Variants in P2RY8 observed in about 807,000 individuals in gnomAD.
P2RY8 encodes P2Y receptor family member 8, also known as S-geranylgeranyl-glutathione receptor P2RY8.
P2RY8 carries 6 observed loss-of-function variants against 10.0 expected under a neutral mutation model. The ratio of observed to expected loss-of-function variants is 0.60; its 90% CI spans 0.33 to 1.19. The LOEUF (loss-of-function observed/expected upper bound fraction) is 1.19, where lower values mean the gene tolerates loss of function less well. Among genes scored for constraint, P2RY8 ranks in the 50% most tolerant of loss-of-function variants. The pLI is 0.04. For missense variants in P2RY8, 456 were observed against 542.0 expected, an observed-to-expected ratio of 0.84 and a Z score of 1.58; for synonymous variants, 276 against 252.5, an observed-to-expected ratio of 1.09 and a Z score of -0.88.
chrX:1,484,550 C>T (rs185965366), intron 1 of P2RY8, among the ~76,000 whole-genome samples: 1 of 151,498 alleles, frequency 6.6e-6, no homozygotes, highest in South Asian at 2.1e-4. Context: ...CAAGGCAAAG[C>T]CTCGTCTGTA....
At chrX:1,498,636 G>C (rs2092144353) in intron 1 of P2RY8, among the ~76,000 whole-genome samples, 1 of 150,806 alleles carries the variant, frequency 6.6e-6, no homozygotes. Context: ...TCCTGCCTCA[G>C]CCTCCTGAGT....
chrX:1,473,304 ATGAATGGATGGGGATGGGTAGATGGATG>A, intron 1 of P2RY8, among the ~76,000 whole-genome samples: 1 of 134,884 alleles, frequency 7.4e-6, no homozygotes. Context: ...TGGATGGATG[ATGAATGGATGGGGATGGGTAGATGGATG>A]CATGGGTGGA....
chrX:1,482,234 G>A (rs1275871489), intron 1 of P2RY8, among the ~76,000 whole-genome samples: 1 of 150,284 alleles, frequency 6.7e-6, no homozygotes, highest in Non-Finnish European at 1.5e-5. Context: ...GCCTCACTCT[G>A]GAAGGCAGGA....
intron 1 of P2RY8, among the ~76,000 whole-genome samples, chrX:1,488,674 T>G (rs1401275880): frequency 6.6e-6 from 1 of 152,050 alleles, no homozygotes; most frequent in Non-Finnish European, 1.5e-5. Flanking sequence ...TGCAAACTCC[T>G]TTGGGTCTGC....
At chrX:1,475,809 A>C (rs5990007) in intron 1 of P2RY8, among the ~76,000 whole-genome samples, 79,849 of 151,882 alleles carry the variant, frequency 0.53, 21,181 homozygotes, top group South Asian at 0.65. Flanking sequence ...GTATTCATGC[A>C]GTCCCCCTTT....
intron 1 of P2RY8, among the ~76,000 whole-genome samples, chrX:1,524,892 TCC>T (rs2092429575): frequency 4.1e-5 from 5 of 121,232 alleles, no homozygotes; most frequent in Admixed American, 1.5e-4. Context: ...CATCCATCTA[TCC>T]ATCCATCCAT....
In P2RY8 at chrX:1,465,841, C is replaced by A; in HGVS notation, c.718G>T (p.Ala240Ser). 6.2e-7 allele frequency: 1 copy of A among 1,612,884 alleles called. No individual in the cohort carries two copies. Among genetic ancestry groups the A allele is most frequent in the South Asian group, 1.1e-5 (1 of 91,062 alleles). The change falls in exon 2 of 2, where the codon GCG becomes TCG. Residue 240 changes from alanine (A) to serine (S), a missense_variant. Ala to Ser is a moderately conservative substitution (Grantham distance 99, BLOSUM62 1). Coordinates refer to ENST00000381297, the MANE Select transcript of P2RY8 (RefSeq NM_178129.5). Reference sequence around the variant, plus strand: ...GTGACAAAGGCCAGCAAGACCACCGCGGCCAGGCCCACCGCGCGCCTCCGC... The same window carrying A: ...GTGACAAAGGCCAGCAAGACCACCGAGGCCAGGCCCACCGCGCGCCTCCGC... ...EQRRRAVGLA[A>S]VVLLAFVTCF...
chrX:1,524,625 T>TC (rs2092422583), intron 1 of P2RY8, among the ~76,000 whole-genome samples: 7 of 16,822 alleles, frequency 4.2e-4, no homozygotes, highest in Admixed American at 8.6e-4. Context: ...ATCCATCCAT[T>TC]CATCCATCCA....
At position 1,465,255 on chromosome X, in the gene P2RY8, G is replaced by A. The variant is rs2091647856; in HGVS notation, c.*224C>T. The A allele has an allele frequency of 1.5e-6, 1 of 679,346 alleles. No homozygotes were observed. The highest frequency in any genetic ancestry group is 2.4e-6 in the Non-Finnish European group (1 of 419,900). The allele number at this position is 679,346 out of a possible 1,614,324, so 42.1% of individuals were successfully genotyped here. ...TAACAAGCACCCTGTGCGCTGCTGG[G>A]CTTTGCTTGTTTCTCTACCCTGAGT... On this transcript the variant is annotated 3_prime_UTR_variant, in exon 2 of 2. Transcript: ENST00000381297.
chrX:1,474,732 G>C (rs1380000146), intron 1 of P2RY8, among the ~76,000 whole-genome samples: 1 of 142,676 alleles, frequency 7.0e-6, no homozygotes, highest in Non-Finnish European at 1.5e-5. Flanking sequence ...GATGAGGATG[G>C]GTAGATGGAT....
chrX:1,469,405 G>A (rs2091753120), intron 1 of P2RY8, among the ~76,000 whole-genome samples: 1 of 151,698 alleles, frequency 6.6e-6, no homozygotes, highest in African/African-American at 2.4e-5. Flanking sequence ...GACCTCAGGT[G>A]AGCCACCAGC....
chrX:1,506,459 C>T (rs1654019041), intron 1 of P2RY8, among the ~76,000 whole-genome samples: 1 of 133,642 alleles, frequency 7.5e-6, no homozygotes. Flanking sequence ...AGAAGACTGC[C>T]TCTTTGTCCT....
intron 1 of P2RY8, among the ~76,000 whole-genome samples, chrX:1,469,446 C>T (rs1355002848): frequency 2.6e-5 from 4 of 151,912 alleles, no homozygotes; most frequent in Non-Finnish European, 4.4e-5. Context: ...GGATGACAGT[C>T]GTGAGCCACT....
intron 1 of P2RY8, among the ~76,000 whole-genome samples, chrX:1,488,632 T>C (rs1180659609): frequency 6.6e-6 from 1 of 152,086 alleles, no homozygotes; most frequent in Non-Finnish European, 1.5e-5. Context: ...CCTGCCTCCA[T>C]GAAGACCCTC....
intron 1 of P2RY8, among the ~76,000 whole-genome samples, chrX:1,477,876 T>G (rs757107179): frequency 6.6e-6 from 1 of 152,300 alleles, no homozygotes; most frequent in South Asian, 2.1e-4. Context: ...CAGGCAGATG[T>G]TCCTAGCAAG....
intron 1 of P2RY8, among the ~76,000 whole-genome samples, chrX:1,514,792 T>C (rs868837457): frequency 8.3e-4 from 16 of 19,172 alleles, no homozygotes; most frequent in Non-Finnish European, 1.6e-3. Context: ...CCCTTCCTTT[T>C]CCTTCCCTTC....
At chrX:1,502,888 G>A (rs1265323454) in intron 1 of P2RY8, among the ~76,000 whole-genome samples, 1 of 150,696 alleles carries the variant, frequency 6.6e-6, no homozygotes, top group African/African-American at 2.4e-5. Flanking sequence ...GAGACAGGAA[G>A]GAGCCTCCGG....
intron 1 of P2RY8, among the ~76,000 whole-genome samples, chrX:1,491,500 G>A (rs1447488858): frequency 6.6e-6 from 1 of 152,224 alleles, no homozygotes; most frequent in Non-Finnish European, 1.5e-5. Flanking sequence ...CCTAAAAGTG[G>A]AGTGAATAAA....
intron 1 of P2RY8, among the ~76,000 whole-genome samples, chrX:1,485,084 C>T (rs1487502523): frequency 6.7e-6 from 1 of 149,466 alleles, no homozygotes; most frequent in African/African-American, 2.5e-5. Flanking sequence ...CTGCCTCAGC[C>T]TCCAAAAGTG....
Sources: gnomAD v4.1 joint callset for allele counts (sites outside exome capture counted in the v4.1 genomes callset) on GRCh38, gnomAD v4.1.1 for gene constraint, MANE v1.5 for transcripts, NCBI Gene and HGNC (gene_info 2026-07-23, HGNC 2026-07-21) for gene names.